The following NRCAM variants were observed in gnomAD, a reference collection of about 807,000 sequenced individuals.
NRCAM encodes the protein NgCAM-related cell adhesion molecule.
A neutral mutation model predicts 156.5 loss-of-function variants in NRCAM; 83 were observed. That is an observed-to-expected ratio of 0.53 (90% CI 0.44 to 0.64). NRCAM has a LOEUF of 0.64. Ranked by LOEUF, NRCAM falls within the 30% of genes least tolerant of loss-of-function variation. NRCAM has a pLI of 0.00. For synonymous variants in NRCAM, 538 were observed against 563.9 expected, an observed-to-expected ratio of 0.95 and a Z score of 0.65; for missense variants, 1,417 against 1,597.3, an observed-to-expected ratio of 0.89 and a Z score of 1.92.
chr7:108,390,420 C>G (rs903770179), intron 2 of NRCAM, among the ~76,000 whole-genome samples: 1 of 151,790 alleles, frequency 6.6e-6, no homozygotes, highest in African/African-American at 2.4e-5. Flanking sequence ...GGTGGTGATA[C>G]CCCTTTATCA....
At chr7:108,219,332 C>CCT (rs1254360481) in intron 11 of NRCAM, among the ~76,000 whole-genome samples, 1 of 151,936 alleles carries the variant, frequency 6.6e-6, no homozygotes, top group South Asian at 2.1e-4. Context: ...AAGAGAGAAC[C>CCT]CTCCCCAATT....
In NRCAM at chr7:108,195,846, C is replaced by T; in HGVS notation, c.1378G>A (p.Ala460Thr). ...LAEPPRILTP[A>T]NTLYQVIANR... The stretch of plus-strand genomic sequence containing the variant: ...GCAATGACCTGGTAGAGTGTGTTTG[C>T]AGGTGTGAGGATTCGTGGTGGCTCA... The change falls in exon 15 of 33, where the codon GCA becomes ACA. Residue 460 changes from alanine (A) to threonine (T), a missense_variant. By Grantham distance (58) the Ala-to-Thr change is moderately conservative. Around this residue, in one of 2 missense-constraint regions of NRCAM, gnomAD observed 1,238 missense variants for 1,336.4 expected, o/e 0.93. Coordinates refer to ENST00000379028, the MANE Select transcript of NRCAM (RefSeq NM_001037132.4). 1 of 1,613,074 alleles carries T rather than the reference C, an allele frequency of 6.2e-7. No individual in the cohort carries two copies. The highest frequency in any genetic ancestry group is 1.1e-5 in the South Asian group (1 of 91,008).
chr7:108,192,668 T>C (rs1233736168), intron 17 of NRCAM, among the ~76,000 whole-genome samples: 1 of 152,124 alleles, frequency 6.6e-6, no homozygotes, highest in Non-Finnish European at 1.5e-5. Context: ...CCAAGAAACA[T>C]TGGAAAACCA....
At chr7:108,230,765 T>C (rs2094222214) in intron 8 of NRCAM, among the ~76,000 whole-genome samples, 1 of 151,974 alleles carries the variant, frequency 6.6e-6, no homozygotes, top group Admixed American at 6.6e-5. Flanking sequence ...CAAACACAGA[T>C]TTTCTAAATG....
intron 2 of NRCAM, among the ~76,000 whole-genome samples, chr7:108,387,536 T>G (rs1409379901): frequency 1.3e-5 from 2 of 152,116 alleles, no homozygotes; most frequent in Admixed American, 1.3e-4. Flanking sequence ...GGTATTTTTA[T>G]CCTAGTTTTT....
chr7:108,213,586 C>G (rs1472331401), intron 11 of NRCAM, among the ~76,000 whole-genome samples: 1 of 152,120 alleles, frequency 6.6e-6, no homozygotes, highest in Non-Finnish European at 1.5e-5. Flanking sequence ...TTATTTCATG[C>G]AAATGGACAC....
chr7:108,230,934 TA>T, intron 8 of NRCAM, 96 bp downstream of exon 8: 2 of 970,054 alleles, frequency 2.1e-6, no homozygotes, highest in South Asian at 3.3e-5. Context: ...TGAGCATCTC[TA>T]AAACATTTTA....
At chr7:108,214,126 G>T (rs141139591) in intron 11 of NRCAM, among the ~76,000 whole-genome samples, 18 of 152,282 alleles carry the variant, frequency 1.2e-4, no homozygotes, top group African/African-American at 4.1e-4. Context: ...GAGTTAGGGA[G>T]GATACCCTCT....
At chr7:108,174,290 G>A (rs1240549184) in intron 28 of NRCAM, among the ~76,000 whole-genome samples, 3 of 152,148 alleles carry the variant, frequency 2.0e-5, no homozygotes. Context: ...TCGATATTTT[G>A]TAATTTACCA....
intron 3 of NRCAM, among the ~76,000 whole-genome samples, chr7:108,291,064 G>A (rs1401910318): frequency 1.3e-5 from 2 of 152,078 alleles, no homozygotes; most frequent in Admixed American, 1.3e-4. Context: ...GCGAAAACCG[G>A]CGAGTCCAGA....
At chr7:108,241,975 A>C (rs1191390095) in intron 3 of NRCAM, among the ~76,000 whole-genome samples, 2 of 152,130 alleles carry the variant, frequency 1.3e-5, no homozygotes. Flanking sequence ...CTTGCAAAAC[A>C]AATTTTAAAA....
chr7:108,435,994 C>A (rs1159533879), intron 1 of NRCAM, among the ~76,000 whole-genome samples: 2 of 152,098 alleles, frequency 1.3e-5, no homozygotes, highest in Non-Finnish European at 1.5e-5. Flanking sequence ...ATTAGCCGGG[C>A]GTGTTGGCGG....
chr7:108,333,505 A>C (rs1277136077), intron 2 of NRCAM, among the ~76,000 whole-genome samples: 2 of 151,894 alleles, frequency 1.3e-5, no homozygotes, highest in Non-Finnish European at 2.9e-5. Context: ...GATCTTTTTA[A>C]TCAGATATTT....
chr7:108,347,439 G>A (rs555097963), intron 2 of NRCAM, among the ~76,000 whole-genome samples: 3 of 152,250 alleles, frequency 2.0e-5, no homozygotes, highest in South Asian at 4.2e-4. Context: ...AGTAAAAGAA[G>A]CTATGGAGAT....
intron 15 of NRCAM, among the ~76,000 whole-genome samples, chr7:108,195,076 A>AC (rs11358195): frequency 5.3e-5 from 8 of 151,740 alleles, no homozygotes; most frequent in Non-Finnish European, 7.4e-5. Context: ...AGCTTATAGA[A>AC]CCCCCCCACT....
At chr7:108,160,191 T>C (rs1417373263) in intron 31 of NRCAM, among the ~76,000 whole-genome samples, 170 bp downstream of exon 31, 1 of 152,158 alleles carries the variant, frequency 6.6e-6, no homozygotes, top group Non-Finnish European at 1.5e-5. Flanking sequence ...ATTGACAATG[T>C]TTAGATTGCC....
intron 32 of NRCAM, 121 bp downstream of exon 32, chr7:108,159,342 C>G (rs2047439320): frequency 3.6e-6 from 3 of 840,682 alleles, no homozygotes; most frequent in Admixed American, 3.6e-5. Flanking sequence ...TGGAAGTATC[C>G]CTAAACTTCT....
At chr7:108,211,298 A>G (rs1426637529) in intron 11 of NRCAM, among the ~76,000 whole-genome samples, 2 of 152,318 alleles carry the variant, frequency 1.3e-5, no homozygotes, top group East Asian at 3.9e-4. Flanking sequence ...TCAGGAGGGC[A>G]GCCAGAGGTG....
At chr7:108,196,613 T>C (rs780905064) in intron 14 of NRCAM, among the ~76,000 whole-genome samples, 3 of 152,032 alleles carry the variant, frequency 2.0e-5, no homozygotes, top group Non-Finnish European at 4.4e-5. Flanking sequence ...CAGATAAATG[T>C]AAATTAAAAC....
Sources: allele counts gnomAD v4.1 joint callset (sites outside exome capture counted in the v4.1 genomes callset), GRCh38; gene constraint gnomAD v4.1.1; regional missense constraint gnomAD v4.1.1; transcripts MANE v1.5; gene names NCBI Gene and HGNC (gene_info 2026-07-23, HGNC 2026-07-21).